GKAP1: variants seen among roughly 807,000 people sequenced by gnomAD.
GKAP1 encodes the protein G kinase anchoring protein 1, also known as G kinase-anchoring protein 1.
In GKAP1, 31 loss-of-function variants were observed where a neutral mutation model predicts 56.7. The ratio of observed to expected loss-of-function variants is 0.55; its 90% CI spans 0.41 to 0.74. The LOEUF is 0.74. Ranked by LOEUF, GKAP1 falls within the 30% of genes least tolerant of loss-of-function variation. The probability of loss-of-function intolerance (pLI) is 0.00; values close to 1 mark genes in which losing one functional copy is unlikely to be tolerated. For synonymous variants in GKAP1, 151 were observed against 138.6 expected (o/e 1.09, Z -0.63); for missense variants, 364 against 402.3 (o/e 0.90, Z 0.82).
At chr9:83,764,663 G>A (rs1283464151) in intron 8 of GKAP1, among the ~76,000 whole-genome samples, 6 of 152,066 alleles carry the variant, frequency 3.9e-5, no homozygotes, top group Middle Eastern at 3.2e-3. Context: ...GAGACTTGTT[G>A]AATGACAATG....
At chr9:83,808,534 T>G (rs184768481) in intron 2 of GKAP1, among the ~76,000 whole-genome samples, 1 of 152,200 alleles carries the variant, frequency 6.6e-6, no homozygotes, top group Non-Finnish European at 1.5e-5. Context: ...GAAGTAGAGA[T>G]TGCAGCAAAC....
chr9:83,758,810 CTAATA>C (rs1176393138), intron 8 of GKAP1, among the ~76,000 whole-genome samples: 1 of 151,424 alleles, frequency 6.6e-6, no homozygotes, highest in African/African-American at 2.4e-5. Flanking sequence ...TTAAAAATGC[CTAATA>C]TATTAATGTA....
Position 83,799,294 on chromosome 9 carries a change from T to A in GKAP1, c.251A>T (p.Lys84Ile). ...AGCGTTACAAACAGCATGGGAGGATTTCTGGGGAATTTTCTTAAAAGCAAG... is the reference window on the plus strand; with the variant it reads ...AGCGTTACAAACAGCATGGGAGGATATCTGGGGAATTTTCTTAAAAGCAAG... ...RNLAFKKIPQKSSHAVCNAQH... is the reference protein window; with the variant it reads ...RNLAFKKIPQISSHAVCNAQH... The change falls in exon 4 of 13, where the codon AAA (lysine) becomes ATA (isoleucine). Residue 84 changes from lysine (K) to isoleucine (I), a missense_variant. Coordinates refer to ENST00000376371, the MANE Select transcript of GKAP1 (RefSeq NM_025211.4). 6.3e-7 allele frequency: 1 copy of A among 1,598,290 alleles called. No homozygotes were observed. The highest frequency in any genetic ancestry group is 8.5e-7 in the Non-Finnish European group (1 of 1,175,570).
chr9:83,814,076 G>GT (rs1486739261), intron 2 of GKAP1, among the ~76,000 whole-genome samples: 2 of 151,600 alleles, frequency 1.3e-5, no homozygotes, highest in African/African-American at 4.9e-5. Context: ...TACACCTTGG[G>GT]TTACAGCCTG....
chr9:83,758,581 A>C (rs1943515077), intron 8 of GKAP1, among the ~76,000 whole-genome samples: 1 of 152,060 alleles, frequency 6.6e-6, no homozygotes, highest in Non-Finnish European at 1.5e-5. Context: ...AAATAAATAA[A>C]AAAATAATAC....
chr9:83,784,084 G>A (rs1944022573), intron 6 of GKAP1, among the ~76,000 whole-genome samples: 1 of 144,086 alleles, frequency 6.9e-6, no homozygotes, highest in South Asian at 2.3e-4. Context: ...GGGCAAGATG[G>A]TGAAACCCTG....
chr9:83,756,154 T>C (rs887951787), intron 8 of GKAP1, among the ~76,000 whole-genome samples: 1 of 151,716 alleles, frequency 6.6e-6, no homozygotes, highest in African/African-American at 2.4e-5. Context: ...TTAGAGGCAA[T>C]TTACCTATAA....
intron 4 of GKAP1, among the ~76,000 whole-genome samples, chr9:83,798,177 A>G (rs536193159): frequency 7.9e-5 from 12 of 152,348 alleles, no homozygotes; most frequent in African/African-American, 2.9e-4. Context: ...TGGTAACCCA[A>G]GAATGATAGA....
chr9:83,803,523 G>C (rs188954537), intron 3 of GKAP1, among the ~76,000 whole-genome samples: 1 of 152,224 alleles, frequency 6.6e-6, no homozygotes, highest in African/African-American at 2.4e-5. Flanking sequence ...CCGAGGTGCC[G>C]GGATTGCAGA....
intron 2 of GKAP1, among the ~76,000 whole-genome samples, chr9:83,807,086 C>G (rs1246708563): frequency 6.6e-6 from 1 of 152,116 alleles, no homozygotes; most frequent in African/African-American, 2.4e-5. Context: ...AGCTTAAATT[C>G]TCTCAACCAA....
At chr9:83,760,315 A>G (rs981541424) in intron 8 of GKAP1, among the ~76,000 whole-genome samples, 10 of 152,222 alleles carry the variant, frequency 6.6e-5, no homozygotes, top group African/African-American at 1.2e-4. Flanking sequence ...GCAAGAAGAT[A>G]TAACAATTTT....
At chr9:83,764,844 T>G (rs1371312098) in intron 8 of GKAP1, among the ~76,000 whole-genome samples, 1 of 152,196 alleles carries the variant, frequency 6.6e-6, no homozygotes, top group African/African-American at 2.4e-5. Context: ...GAAAGAAATT[T>G]CTAAGCAGCA....
At chr9:83,792,195 A>G (rs1246890596) in intron 4 of GKAP1, among the ~76,000 whole-genome samples, 1 of 152,186 alleles carries the variant, frequency 6.6e-6, no homozygotes, top group Non-Finnish European at 1.5e-5. Flanking sequence ...TAAAGTTGTA[A>G]TATGTATGAA....
chr9:83,802,855 A>G (rs1476513746), intron 3 of GKAP1, among the ~76,000 whole-genome samples: 1 of 151,834 alleles, frequency 6.6e-6, no homozygotes, highest in African/African-American at 2.4e-5. Flanking sequence ...AAAAGAGGCC[A>G]GCATGGTGGC....
chr9:83,762,452 A>T (rs1317771247), intron 8 of GKAP1, among the ~76,000 whole-genome samples: 1 of 152,204 alleles, frequency 6.6e-6, no homozygotes, highest in Admixed American at 6.5e-5. Context: ...TAGAAGAATG[A>T]ATATTGTTAA....
intron 8 of GKAP1, among the ~76,000 whole-genome samples, chr9:83,755,561 GATT>G (rs1458663864): frequency 3.3e-5 from 5 of 150,772 alleles, no homozygotes; most frequent in Non-Finnish European, 5.9e-5. Context: ...TGATGAATAT[GATT>G]ATTATCTTTG....
At chr9:83,768,079 T>C (rs1943693762) in intron 8 of GKAP1, among the ~76,000 whole-genome samples, 1 of 152,228 alleles carries the variant, frequency 6.6e-6, no homozygotes, top group Non-Finnish European at 1.5e-5. Context: ...ATTTGATTCA[T>C]GGGCTATAGC....
chr9:83,794,462 CACAA>C (rs748639820), intron 4 of GKAP1, among the ~76,000 whole-genome samples: 7 of 152,172 alleles, frequency 4.6e-5, no homozygotes, highest in African/African-American at 9.7e-5. Flanking sequence ...ATATTACACT[CACAA>C]ACAAACAAAA....
intron 4 of GKAP1, among the ~76,000 whole-genome samples, chr9:83,790,590 C>A (rs1039653309): frequency 2.6e-5 from 4 of 151,942 alleles, no homozygotes; most frequent in South Asian, 2.1e-4. Flanking sequence ...TGAGACCAGC[C>A]TGGCCAACAT....
Sources: gnomAD v4.1 joint callset for allele counts (sites outside exome capture counted in the v4.1 genomes callset) on GRCh38, gnomAD v4.1.1 for gene constraint, MANE v1.5 for transcripts, NCBI Gene and HGNC (gene_info 2026-07-23, HGNC 2026-07-21) for gene names.